Variants in CTDP1 observed in about 807,000 individuals in gnomAD.
CTDP1 encodes the protein RNA polymerase II subunit A C-terminal domain phosphatase.
A neutral mutation model predicts 91.8 loss-of-function variants in CTDP1; 47 were observed. The observed-to-expected ratio is 0.51, with a 90% CI of 0.41 to 0.65. The LOEUF (loss-of-function observed/expected upper bound fraction) is 0.65, where lower values mean the gene tolerates loss of function less well. Among genes scored for constraint, CTDP1 ranks in the 30% least tolerant of loss-of-function variants. The pLI is 0.00. For synonymous variants in CTDP1, 656 were observed against 598.5 expected, an observed-to-expected ratio of 1.10 and a Z score of -1.40; for missense variants, 1,272 against 1,373.7, an observed-to-expected ratio of 0.93 and a Z score of 1.17.
chr18:79,694,274 GGTGGGCGCTGAGTGCTGGGCGGTC>G (rs2085693675), intron 1 of CTDP1, among the ~76,000 whole-genome samples: 3 of 142,292 alleles, frequency 2.1e-5, no homozygotes, highest in Admixed American at 6.9e-5. Flanking sequence ...GGCACCTAGG[GGTGGGCGCTGAGTGCTGGGCGGTC>G]TCATGTCCAC....
At chr18:79,733,802 C>T (rs972533783) in intron 11 of CTDP1, among the ~76,000 whole-genome samples, 16 of 152,204 alleles carry the variant, frequency 1.1e-4, no homozygotes, top group African/African-American at 2.9e-4. Context: ...GATCCAGGGT[C>T]GTGCAAGGAG....
intron 4 of CTDP1, among the ~76,000 whole-genome samples, chr18:79,702,429 A>T (rs1434549821): frequency 6.6e-6 from 1 of 152,154 alleles, no homozygotes; most frequent in Non-Finnish European, 1.5e-5. Context: ...GCTGGAGTGC[A>T]GTGACACGAT....
At chr18:79,706,053 A>G (rs2085960731) in intron 5 of CTDP1, among the ~76,000 whole-genome samples, 1 of 152,174 alleles carries the variant, frequency 6.6e-6, no homozygotes. Flanking sequence ...ACCCAGTCCC[A>G]GGGCGAGGGT....
chr18:79,701,292 C>T (rs918404669), intron 4 of CTDP1, among the ~76,000 whole-genome samples: 5 of 151,976 alleles, frequency 3.3e-5, no homozygotes, highest in Admixed American at 6.6e-5. Flanking sequence ...GGGTGGATCA[C>T]GAGGTCAGGA....
intron 10 of CTDP1, among the ~76,000 whole-genome samples, chr18:79,720,813 C>T (rs1342059329): frequency 6.6e-6 from 1 of 152,180 alleles, no homozygotes; most frequent in African/African-American, 2.4e-5. Context: ...AGTCTAGGGG[C>T]TCAGTCCCAC....
chr18:79,722,639 G>A (rs537261163), intron 10 of CTDP1, among the ~76,000 whole-genome samples: 6 of 152,334 alleles, frequency 3.9e-5, no homozygotes, highest in African/African-American at 1.2e-4. Flanking sequence ...TTAAGGAAAT[G>A]TCTCTCCCTT....
Position 79,730,869 on chromosome 18 carries a change from G to A in CTDP1, c.2580+1800G>A, listed in dbSNP as rs182666650. On this transcript the variant is annotated intron_variant, in intron 11 of 12. Transcript: ENST00000613122. ...GAGGCTCATGTTGGACTTCTGACCT[G>A]CACAGCTGTGAGGTTGTGAATTTGG... Among the ~76,000 whole-genome samples the A allele has an allele frequency of 4.3e-3, 655 of 152,348 alleles. 3 individuals carry two copies. Among genetic ancestry groups the A allele is most frequent in the African/African-American group, 0.014 (590 of 41,586 alleles).
intron 11 of CTDP1, among the ~76,000 whole-genome samples, chr18:79,731,687 C>G (rs781070388): frequency 6.6e-6 from 1 of 152,226 alleles, no homozygotes; most frequent in Non-Finnish European, 1.5e-5. Context: ...CGTTCACCTG[C>G]AACGGCTTTG....
chr18:79,686,025 C>T lies in CTDP1; in HGVS notation c.314+5764C>T, dbSNP rs143681998. ...AAACGTGGGTAAGTTGCACTTCAAA[C>T]GTTTTGCTTTGTTTTTCCCACTTTT... On this transcript the variant is annotated intron_variant, in intron 1 of 12. Transcript: ENST00000613122. Among the ~76,000 whole-genome samples the T allele has an allele frequency of 1.6e-3, 242 of 152,292 alleles. 1 individual carries two copies. Among genetic ancestry groups the T allele is most frequent in the African/African-American group, 5.3e-3 (222 of 41,548 alleles).
rs1440328729 is a variant in CTDP1 at position 79,717,991 on chromosome 18, A to G, written c.2392A>G (p.Ile798Val). ...CCCAGCACCCTCCAGCTCCCTACCC[A>G]TCCGCCAGGAGCCCTCTTCCTTCAG... ...GPPAPSSSLPIRQEPSSFRAV... is the reference protein window; with the variant it reads ...GPPAPSSSLPVRQEPSSFRAV... Residue 798 changes from isoleucine to valine, a missense_variant, in exon 10 of 13, where the codon ATC (isoleucine) becomes GTC (valine). Physicochemically the swap from Ile to Val is conservative, Grantham distance 29. Coordinates refer to ENST00000613122, the MANE Select transcript of CTDP1 (RefSeq NM_004715.5). 1 of 1,613,218 alleles carries G rather than the reference A, an allele frequency of 6.2e-7. No individual in the cohort carries two copies. Among genetic ancestry groups the G allele is most frequent in the Admixed American group, 1.7e-5 (1 of 60,020 alleles).
At chr18:79,709,676 T>C (rs1204184407) in intron 5 of CTDP1, among the ~76,000 whole-genome samples, 1 of 152,230 alleles carries the variant, frequency 6.6e-6, no homozygotes, top group Admixed American at 6.5e-5. Flanking sequence ...CAAGGTGGTG[T>C]CCCGGATGTC....
intron 3 of CTDP1, among the ~76,000 whole-genome samples, chr18:79,696,608 T>G (rs2085753453): frequency 3.3e-5 from 5 of 150,538 alleles, no homozygotes; most frequent in Admixed American, 6.6e-5. Flanking sequence ...CTCGGGAGAG[T>G]GGGCACATGC....
chr18:79,683,746 A>AG (rs1248671974), intron 1 of CTDP1, among the ~76,000 whole-genome samples: 1 of 152,188 alleles, frequency 6.6e-6, no homozygotes, highest in African/African-American at 2.4e-5. Flanking sequence ...CTCCTTGGTG[A>AG]GGGGCCTTTG....
intron 6 of CTDP1, among the ~76,000 whole-genome samples, 153 bp downstream of exon 6, chr18:79,710,589 C>T (rs1010397454): frequency 6.6e-6 from 1 of 151,710 alleles, no homozygotes; most frequent in Non-Finnish European, 1.5e-5. Context: ...GGCGCGATCT[C>T]GGCTCACTGC....
chr18:79,738,572 T>C (rs2086713811), intron 12 of CTDP1, among the ~76,000 whole-genome samples: 1 of 152,176 alleles, frequency 6.6e-6, no homozygotes. Flanking sequence ...GCTTTCTTTC[T>C]CCCCACGTCT....
chr18:79,719,796 G>A (rs994537340), intron 10 of CTDP1, among the ~76,000 whole-genome samples: 1 of 146,760 alleles, frequency 6.8e-6, no homozygotes, highest in African/African-American at 2.5e-5. Flanking sequence ...TGGTGATGAT[G>A]TCACCTCCCA....
intron 2 of CTDP1, among the ~76,000 whole-genome samples, 191 bp downstream of exon 2, chr18:79,695,499 AC>A (rs2122489282): frequency 6.6e-6 from 1 of 152,032 alleles, no homozygotes; most frequent in South Asian, 2.1e-4. Context: ...CTGCTCTGTG[AC>A]CCCAGCCTCA....
At chr18:79,696,384 A>C (rs1386664285) in intron 3 of CTDP1, among the ~76,000 whole-genome samples, 2 of 152,184 alleles carry the variant, frequency 1.3e-5, no homozygotes, top group African/African-American at 2.4e-5. Flanking sequence ...CCCTTGAGCC[A>C]AGTCCTAACT....
At chr18:79,686,877 G>A (rs879246340) in intron 1 of CTDP1, among the ~76,000 whole-genome samples, 13 of 147,084 alleles carry the variant, frequency 8.8e-5, no homozygotes, top group Admixed American at 6.8e-4. Context: ...GGCCTGCACC[G>A]CAGCAGTTGG....
Sources: allele counts gnomAD v4.1 joint callset (sites outside exome capture counted in the v4.1 genomes callset), GRCh38; gene constraint gnomAD v4.1.1; transcripts MANE v1.5; gene names NCBI Gene and HGNC (gene_info 2026-07-23, HGNC 2026-07-21).